Variants in KIF5C observed in about 807,000 individuals in gnomAD.
The protein encoded by KIF5C is kinesin family member 5C, also known as kinesin heavy chain isoform 5C.
A neutral mutation model predicts 125.2 loss-of-function variants in KIF5C; 18 were observed. That is an observed-to-expected ratio of 0.14 (90% confidence interval 0.10 to 0.21). KIF5C has a LOEUF of 0.21. KIF5C is among the 10% of genes least tolerant of loss of function. The pLI is 1.00. For synonymous variants in KIF5C, 405 were observed against 434.0 expected (o/e 0.93, Z 0.83); for missense variants, 780 against 1,183.8 (o/e 0.66, Z 5.01).
chr2:148,962,047 G>A lies in KIF5C; in HGVS notation c.1045G>A (p.Glu349Lys). Residue 349 changes from glutamate (E) to lysine (K), a missense_variant, in exon 11 of 26, where the codon GAG becomes AAG. Around this residue, in one of 2 missense-constraint regions of KIF5C, gnomAD observed 207 missense variants for 441.2 expected, o/e 0.47. Coordinates refer to ENST00000435030, the MANE Select transcript of KIF5C (RefSeq NM_004522.3). ...AGAATGGAAGAAGAAATATGAAAAAGAGAAAGAGAAAAACAAGACTTTGAA... is the reference window on the plus strand; with the variant it reads ...AGAATGGAAGAAGAAATATGAAAAAAAGAAAGAGAAAAACAAGACTTTGAA... ...AEEWKKKYEK[E>K]KEKNKTLKNV... is the part of the protein sequence containing the mutation. The A allele has an allele frequency of 6.2e-7, 1 of 1,613,934 alleles. No homozygotes were observed. Among genetic ancestry groups the A allele is most frequent in the East Asian group, 2.2e-5 (1 of 44,882 alleles).
At chr2:148,925,650 C>T (rs1391714067) in intron 2 of KIF5C, among the ~76,000 whole-genome samples, 1 of 152,198 alleles carries the variant, frequency 6.6e-6, no homozygotes, top group Non-Finnish European at 1.5e-5. Flanking sequence ...TCCCCTGCCC[C>T]CCTTTCCTGG....
chr2:148,891,305 G>A (rs1681702125), intron 1 of KIF5C, among the ~76,000 whole-genome samples: 1 of 152,124 alleles, frequency 6.6e-6, no homozygotes, highest in Non-Finnish European at 1.5e-5. Flanking sequence ...TTGGAGAAAA[G>A]GTGCTTTTCA....
rs745460362 is a variant in KIF5C, at chr2:149,010,149, C to T, written c.2565C>T (p.Asn855=). ...TCCTGCCCCAGCTGGTCCGGGACAA[C>T]GCAGACCTGCGCTGTGAACTGCCCA... ...TKVHKQLVRD[N]ADLRCELPKL... The change falls in exon 24 of 26, where the codon AAC becomes AAT. Residue 855 remains asparagine (N), a synonymous_variant. Transcript: ENST00000435030. The T allele has an allele frequency of 1.4e-5, 22 of 1,550,912 alleles. No homozygotes were observed. Among genetic ancestry groups the T allele is most frequent in the East Asian group, 4.9e-5 (2 of 40,936 alleles).
At chr2:148,896,509 C>T (rs934553478) in intron 1 of KIF5C, among the ~76,000 whole-genome samples, 2 of 152,142 alleles carry the variant, frequency 1.3e-5, no homozygotes, top group Non-Finnish European at 2.9e-5. Flanking sequence ...TGGAGCATCA[C>T]GATGCTGATG....
intron 21 of KIF5C, among the ~76,000 whole-genome samples, chr2:149,002,081 C>A (rs1681866422): frequency 6.6e-6 from 1 of 152,132 alleles, no homozygotes; most frequent in African/African-American, 2.4e-5. Flanking sequence ...CCGGGGAACC[C>A]GAAATGAAGC....
intron 16 of KIF5C, among the ~76,000 whole-genome samples, chr2:148,991,659 C>T (rs1057345202): frequency 6.6e-6 from 1 of 152,106 alleles, no homozygotes; most frequent in African/African-American, 2.4e-5. Context: ...CATTTTCTCA[C>T]TTAATCTGAA....
intron 4 of KIF5C, among the ~76,000 whole-genome samples, chr2:148,937,809 G>C (rs1489267535): frequency 6.6e-6 from 1 of 152,214 alleles, no homozygotes; most frequent in African/African-American, 2.4e-5. Flanking sequence ...CTTGAACAGT[G>C]TTAAGTTTAT....
intron 17 of KIF5C, among the ~76,000 whole-genome samples, chr2:148,995,036 C>G (rs902716227): frequency 3.3e-5 from 5 of 152,068 alleles, no homozygotes; most frequent in Non-Finnish European, 7.4e-5. Flanking sequence ...ACTGAATCTG[C>G]TCATCTTCCC....
intron 17 of KIF5C, among the ~76,000 whole-genome samples, chr2:148,995,073 C>G (rs1681629267): frequency 6.6e-6 from 1 of 152,104 alleles, no homozygotes; most frequent in Non-Finnish European, 1.5e-5. Context: ...CCCAGTTACC[C>G]AAATCAGAAT....
At chr2:148,974,310 T>C (rs1225145930) in intron 12 of KIF5C, among the ~76,000 whole-genome samples, 1 of 152,242 alleles carries the variant, frequency 6.6e-6, no homozygotes, top group East Asian at 1.9e-4. Flanking sequence ...TCTTTTCTAT[T>C]GTGGTTCAGC....
chr2:149,002,136 A>T (rs951622622), intron 21 of KIF5C, among the ~76,000 whole-genome samples: 3 of 152,254 alleles, frequency 2.0e-5, no homozygotes, highest in African/African-American at 7.2e-5. Flanking sequence ...AGAAGTGATA[A>T]TCCTAATTAT....
chr2:148,925,579 GGCCATGGACTGGGACTCAAGCCTGGGC>G (rs1346665731), intron 2 of KIF5C, among the ~76,000 whole-genome samples: 1 of 152,154 alleles, frequency 6.6e-6, no homozygotes, highest in Non-Finnish European at 1.5e-5. Flanking sequence ...TTGGTTCGGG[GGCCATGGACTGGGACTCAAGCCTGGGC>G]TTGTCAGACT....
At chr2:148,936,298 A>G (rs1454605818) in intron 3 of KIF5C, among the ~76,000 whole-genome samples, 1 of 152,136 alleles carries the variant, frequency 6.6e-6, no homozygotes, top group Non-Finnish European at 1.5e-5. Context: ...ACAAAAACAA[A>G]CAAACAAAAA....
chr2:148,980,501 A>G (rs1208024547), intron 13 of KIF5C, among the ~76,000 whole-genome samples: 1 of 152,030 alleles, frequency 6.6e-6, no homozygotes, highest in Non-Finnish European at 1.5e-5. Flanking sequence ...TTTGGGGTAC[A>G]TCCTTCTATA....
Position 149,025,049 on chromosome 2 carries a change from C to T in KIF5C, c.*1979C>T, listed in dbSNP as rs987627929. The T allele has an allele frequency of 6.6e-6, 1 of 152,310 alleles. No individual in the cohort carries two copies. 9.4% of individuals were successfully genotyped at this position (152,310 alleles called of 1,614,324 possible). On this transcript the variant is annotated 3_prime_UTR_variant, in exon 26 of 26. Coordinates refer to ENST00000435030, the MANE Select transcript of KIF5C (RefSeq NM_004522.3). ...AACAAAGGTCAGTAATGGTTTTTGG[C>T]TCTTGTTAATATCCATCATAAAATA... is the stretch of plus-strand genomic sequence containing the variant.
chr2:148,927,541 G>A (rs1682051701), intron 2 of KIF5C, among the ~76,000 whole-genome samples: 1 of 151,910 alleles, frequency 6.6e-6, no homozygotes, highest in African/African-American at 2.4e-5. Context: ...TCTAATAAAT[G>A]GTAATTTCGA....
intron 1 of KIF5C, among the ~76,000 whole-genome samples, chr2:148,891,511 A>G (rs1374671401): frequency 6.6e-6 from 1 of 152,082 alleles, no homozygotes; most frequent in African/African-American, 2.4e-5. Context: ...ACTGCAGACA[A>G]TGTATGTATT....
intron 1 of KIF5C, among the ~76,000 whole-genome samples, chr2:148,891,851 C>A (rs1170389272): frequency 6.6e-6 from 1 of 152,122 alleles, no homozygotes; most frequent in Non-Finnish European, 1.5e-5. Flanking sequence ...GCATGCACCA[C>A]CATGCCTGGC....
At position 149,011,701 on chromosome 2, in the gene KIF5C, G is replaced by C; in HGVS notation, c.*7+18G>C. The C allele has an allele frequency of 1.2e-6, 2 of 1,613,922 alleles. No homozygotes were observed. The highest frequency in any genetic ancestry group is 8.5e-7 in the Non-Finnish European group (1 of 1,179,856). On this transcript the variant is annotated intron_variant, in intron 25 of 25. Coordinates refer to ENST00000435030, the MANE Select transcript of KIF5C (RefSeq NM_004522.3). ...AATACAAAGTGAGTCCCATGTCAAG[G>C]GTGGTTTCTCTATCTGGAGGCAGAG...
Sources: gnomAD v4.1 joint callset for allele counts (sites outside exome capture counted in the v4.1 genomes callset) on GRCh38, gnomAD v4.1.1 for gene constraint, gnomAD v4.1.1 regional missense constraint, MANE v1.5 for transcripts, NCBI Gene and HGNC (gene_info 2026-07-23, HGNC 2026-07-21) for gene names.